CADM1: variants seen among roughly 807,000 people sequenced by gnomAD.
CADM1 encodes the protein cell adhesion molecule 1, also known as TSLC-1.
In CADM1, 15 loss-of-function variants were observed where a neutral mutation model predicts 53.1. The observed-to-expected ratio is 0.28, with a 90% confidence interval of 0.19 to 0.44. The LOEUF is 0.44. Among genes scored for constraint, CADM1 ranks in the 20% least tolerant of loss-of-function variants. The probability of loss-of-function intolerance (pLI) is 1.00; values close to 1 mark genes in which losing one functional copy is unlikely to be tolerated. For missense variants in CADM1, 434 were observed against 611.3 expected (o/e 0.71, Z 3.06); for synonymous variants, 281 against 243.0 (o/e 1.16, Z -1.45).
rs17649730 is a variant in CADM1, at chr11:115,170,709, C to T, written c.*5765G>A. On this transcript the variant is annotated 3_prime_UTR_variant, in exon 12 of 12. Coordinates refer to ENST00000331581, the MANE Select transcript of CADM1 (RefSeq NM_001301043.2). ...CTATAGTTTGCATTTTTAAAAGAGG[C>T]CATATTGCATTCTGAAGGCCCCTCA... The T allele has an allele frequency of 0.094, 14,287 of 152,152 alleles. 923 individuals are homozygous for T. Among genetic ancestry groups the T allele is most frequent in the Non-Finnish European group, 0.14 (9,731 of 68,024 alleles). 9.4% of individuals were successfully genotyped at this position (152,152 alleles called of 1,614,324 possible). A position where few individuals can be genotyped will look rare whatever the true frequency, so the allele number is the denominator to read the frequency against.
chr11:115,307,992 A>G (rs1026308689), intron 1 of CADM1, among the ~76,000 whole-genome samples: 1 of 151,874 alleles, frequency 6.6e-6, no homozygotes, highest in Admixed American at 6.6e-5. Context: ...CCTAAAAAAT[A>G]AAGATCTGCT....
chr11:115,215,754 G>A (rs868654236), intron 6 of CADM1, among the ~76,000 whole-genome samples: 11 of 152,148 alleles, frequency 7.2e-5, no homozygotes, highest in African/African-American at 2.7e-4. Flanking sequence ...ATGAAGTTGA[G>A]GCCACATTTA....
At chr11:115,359,541 C>A (rs1045403984) in intron 1 of CADM1, among the ~76,000 whole-genome samples, 3 of 151,958 alleles carry the variant, frequency 2.0e-5, no homozygotes, top group Non-Finnish European at 4.4e-5. Flanking sequence ...GAAATGGGTC[C>A]CACCGTGATT....
intron 10 of CADM1, among the ~76,000 whole-genome samples, chr11:115,180,856 G>A (rs868615304): frequency 6.6e-6 from 1 of 152,122 alleles, no homozygotes; most frequent in Admixed American, 6.5e-5. Context: ...TTGGGGGAAT[G>A]AGAATTAACT....
At position 115,223,902 on chromosome 11, in the gene CADM1, T is replaced by C. The variant is rs564109397; in HGVS notation, c.721+5211A>G. Among the ~76,000 whole-genome samples, 12 of 147,418 alleles carry C rather than the reference T, an allele frequency of 8.1e-5. No individual in the cohort carries two copies. In the South Asian group the frequency reaches 2.1e-3, roughly 26 times the overall value. On this transcript the variant is annotated intron_variant, in intron 5 of 11. Coordinates refer to ENST00000331581, the MANE Select transcript of CADM1 (RefSeq NM_001301043.2). ...CTAAAATAACCTCCCTGAAACTCAATTCACTGCTTTAAAAAAAAAATAAAA... is the reference window on the plus strand; with the variant it reads ...CTAAAATAACCTCCCTGAAACTCAACTCACTGCTTTAAAAAAAAAATAAAA...
At chr11:115,346,529 C>T (rs1213799913) in intron 1 of CADM1, among the ~76,000 whole-genome samples, 1 of 152,162 alleles carries the variant, frequency 6.6e-6, no homozygotes, top group Non-Finnish European at 1.5e-5. Flanking sequence ...CCACCACACA[C>T]ACCTGGCCTG....
chr11:115,408,918 T>C (rs1947384418), intron 1 of CADM1, among the ~76,000 whole-genome samples: 2 of 152,200 alleles, frequency 1.3e-5, no homozygotes, highest in Admixed American at 1.3e-4. Flanking sequence ...ATGAAATAGA[T>C]TTTCGTTTTA....
chr11:115,298,032 T>C (rs1407621982), intron 1 of CADM1, among the ~76,000 whole-genome samples: 1 of 152,218 alleles, frequency 6.6e-6, no homozygotes, highest in Non-Finnish European at 1.5e-5. Context: ...AGGCAGAATA[T>C]GCAGTTTGTG....
intron 1 of CADM1, among the ~76,000 whole-genome samples, chr11:115,292,755 A>G (rs1358082145): frequency 6.6e-6 from 1 of 152,248 alleles, no homozygotes; most frequent in Admixed American, 6.5e-5. Context: ...CAGGCAGATC[A>G]GTCAATGGGG....
At chr11:115,446,751 TG>T (rs1229582143) in intron 1 of CADM1, among the ~76,000 whole-genome samples, 2 of 152,220 alleles carry the variant, frequency 1.3e-5, no homozygotes, top group Non-Finnish European at 2.9e-5. Flanking sequence ...AGAGCAAGGC[TG>T]TACCCTCAGC....
chr11:115,183,625 G>C (rs1408229970), intron 10 of CADM1, among the ~76,000 whole-genome samples: 5 of 152,206 alleles, frequency 3.3e-5, no homozygotes, highest in Non-Finnish European at 7.3e-5. Flanking sequence ...CTGAGAAGGA[G>C]TGAAGGGTGA....
chr11:115,312,526 C>G (rs191873134), intron 1 of CADM1, among the ~76,000 whole-genome samples: 3 of 152,282 alleles, frequency 2.0e-5, no homozygotes, highest in Admixed American at 2.0e-4. Context: ...ACACCTACTT[C>G]TACTTCATGC....
chr11:115,399,459 C>T (rs2135207726), intron 1 of CADM1: 1 of 152,230 alleles, frequency 6.6e-6, no homozygotes, highest in Admixed American at 6.5e-5. Context: ...GAATGAAACC[C>T]TCAAAATCCA....
chr11:115,453,469 CTA>C (rs1948619845), intron 1 of CADM1, among the ~76,000 whole-genome samples: 1 of 151,882 alleles, frequency 6.6e-6, no homozygotes, highest in Non-Finnish European at 1.5e-5. Flanking sequence ...CCAGAAGTGG[CTA>C]TGAGTTAGGC....
chr11:115,421,363 T>C (rs183314506), intron 1 of CADM1, among the ~76,000 whole-genome samples: 59 of 152,354 alleles, frequency 3.9e-4, no homozygotes, highest in African/African-American at 1.3e-3. Context: ...AAGTGGGAGA[T>C]GTCTCTCTTA....
chr11:115,228,785 TA>T (rs968391919), intron 5 of CADM1, among the ~76,000 whole-genome samples: 1 of 151,972 alleles, frequency 6.6e-6, no homozygotes, highest in Non-Finnish European at 1.5e-5. Context: ...TATGATGGGA[TA>T]AAAAAAGGGG....
At chr11:115,314,440 T>G (rs1174529491) in intron 1 of CADM1, among the ~76,000 whole-genome samples, 1 of 152,176 alleles carries the variant, frequency 6.6e-6, no homozygotes, top group Non-Finnish European at 1.5e-5. Flanking sequence ...TCAAAGGACA[T>G]GCTTCACTAT....
intron 1 of CADM1, among the ~76,000 whole-genome samples, chr11:115,412,223 T>C (rs533316722): frequency 3.3e-5 from 5 of 151,968 alleles, no homozygotes; most frequent in African/African-American, 1.2e-4. Context: ...GAACAGAATT[T>C]CACTCTGTTG....
intron 9 of CADM1, among the ~76,000 whole-genome samples, chr11:115,195,654 T>C (rs1286169446): frequency 2.0e-5 from 3 of 152,212 alleles, no homozygotes; most frequent in Admixed American, 2.0e-4. Context: ...TCAGCTACAA[T>C]TCATTAGAAT....
Sources: gnomAD v4.1 joint callset for allele counts (sites outside exome capture counted in the v4.1 genomes callset) on GRCh38, gnomAD v4.1.1 for gene constraint, MANE v1.5 for transcripts, NCBI Gene and HGNC (gene_info 2026-07-23, HGNC 2026-07-21) for gene names.